Variants in CSMD3 observed in about 807,000 individuals in gnomAD.
CSMD3 encodes CUB and Sushi multiple domains 3, also known as CUB and sushi domain-containing protein 3.
A neutral mutation model predicts 435.2 loss-of-function variants in CSMD3; 177 were observed. The observed-to-expected ratio is 0.41, with a 90% confidence interval of 0.36 to 0.46. The LOEUF is 0.46. Ranked by LOEUF, CSMD3 falls within the 20% of genes least tolerant of loss-of-function variation. CSMD3 has a pLI of 0.34. For missense variants in CSMD3, 4,265 were observed against 4,504.6 expected (o/e 0.95, Z 1.52); for synonymous variants, 1,656 against 1,520.5 (o/e 1.09, Z -2.07).
At chr8:112,940,981 T>C (rs1337968962) in intron 9 of CSMD3, among the ~76,000 whole-genome samples, 1 of 151,734 alleles carries the variant, frequency 6.6e-6, no homozygotes, top group Non-Finnish European at 1.5e-5. Context: ...TGAATACTCA[T>C]ATCTGATTAC....
At chr8:113,012,810 C>T (rs1264519451) in intron 6 of CSMD3, among the ~76,000 whole-genome samples, 2 of 151,974 alleles carry the variant, frequency 1.3e-5, no homozygotes, top group Admixed American at 6.6e-5. Context: ...TAATACAGTT[C>T]ATCTAAATTG....
chr8:113,106,008 A>C (rs564169020), intron 4 of CSMD3, among the ~76,000 whole-genome samples: 5 of 152,248 alleles, frequency 3.3e-5, no homozygotes, highest in African/African-American at 1.2e-4. Context: ...TTTATAGCAG[A>C]TATAACTATA....
At chr8:113,181,544 C>A (rs559338286) in intron 3 of CSMD3, among the ~76,000 whole-genome samples, 2 of 152,060 alleles carry the variant, frequency 1.3e-5, no homozygotes, top group South Asian at 4.1e-4. Context: ...AATATCTGTG[C>A]CCTTTTATTG....
At chr8:112,607,491 A>G (rs1446597578) in intron 22 of CSMD3, among the ~76,000 whole-genome samples, 1 of 152,082 alleles carries the variant, frequency 6.6e-6, no homozygotes, top group Non-Finnish European at 1.5e-5. Context: ...TAAAAGGCCA[A>G]TATTAACCTG....
At position 112,244,464 on chromosome 8, in the gene CSMD3, TAAG is replaced by T; in HGVS notation, c.10329_10331del (p.Phe3443del). 2 of 1,613,920 alleles carry T rather than the reference TAAG, an allele frequency of 1.2e-6. No individual in the cohort carries two copies. The highest frequency in any genetic ancestry group is 1.7e-6 in the Non-Finnish European group (2 of 1,179,848). ...ACACTCTATGTTCTGTTCCACCTGC[TAAG>T]AAGAAGCCAGGCTGACAGGTATAAA... is the stretch of plus-strand genomic sequence containing the variant. On this transcript the variant is annotated inframe_deletion, in exon 65 of 71. Transcript: ENST00000297405.
intron 16 of CSMD3, among the ~76,000 whole-genome samples, chr8:112,669,012 T>C (rs2075593333): frequency 6.6e-6 from 1 of 151,364 alleles, no homozygotes. Flanking sequence ...AACCTAAAAA[T>C]ATTATTATTA....
chr8:113,300,229 T>C lies in CSMD3; in HGVS notation c.401+14342A>G, dbSNP rs145938914. ...GAAAAGGGAACACATATATTTTTCA[T>C]GAGAATGTAAATTAGTTCAACCTCT... On this transcript the variant is annotated intron_variant, in intron 2 of 70. Transcript: ENST00000297405. Among the ~76,000 whole-genome samples, 30 of 151,758 alleles carry C rather than the reference T, an allele frequency of 2.0e-4. No homozygotes were observed. In the East Asian group the frequency reaches 4.9e-3, roughly 25 times the overall value.
intron 13 of CSMD3, among the ~76,000 whole-genome samples, chr8:112,791,870 G>A (rs1402387128): frequency 6.6e-5 from 10 of 152,026 alleles, no homozygotes; most frequent in Non-Finnish European, 1.2e-4. Flanking sequence ...CAGTTATTCC[G>A]CTTCCTTGCC....
At chr8:112,917,168 AAATTCGAACACTTTAG>A (rs1453797456) in intron 10 of CSMD3, among the ~76,000 whole-genome samples, 1 of 151,956 alleles carries the variant, frequency 6.6e-6, no homozygotes, top group Non-Finnish European at 1.5e-5. Flanking sequence ...GATCCATTCA[AAATTCGAACACTTTAG>A]AGGCATTGAT....
intron 3 of CSMD3, among the ~76,000 whole-genome samples, chr8:113,177,882 T>C (rs2092370303): frequency 6.6e-6 from 1 of 152,000 alleles, no homozygotes; most frequent in Non-Finnish European, 1.5e-5. Context: ...GTGTAGAAGA[T>C]TTTTGATATT....
chr8:112,841,849 T>C (rs1024516285), intron 11 of CSMD3, among the ~76,000 whole-genome samples: 2 of 151,820 alleles, frequency 1.3e-5, no homozygotes, highest in Non-Finnish European at 2.9e-5. Context: ...CCTAATATCA[T>C]TGATGTGGGT....
At chr8:112,326,888 G>A (rs995626008) in intron 45 of CSMD3, among the ~76,000 whole-genome samples, 5 of 152,108 alleles carry the variant, frequency 3.3e-5, no homozygotes, top group East Asian at 3.9e-4. Context: ...CAGGTGTGGC[G>A]GTGCATGCCT....
At chr8:112,639,024 T>C (rs1482178792) in intron 20 of CSMD3, 113 bp from the exon 21 acceptor site, 9 of 702,360 alleles carry the variant, frequency 1.3e-5, no homozygotes, top group Non-Finnish European at 2.2e-5. Context: ...TTTCTGAAAA[T>C]GAGAGGCATT....
rs190360713 is a variant in CSMD3, at chr8:113,074,153, A to C, written c.917+24603T>G. Among the ~76,000 whole-genome samples the C allele has an allele frequency of 4.3e-5, 5 of 117,208 alleles. No individual in the cohort carries two copies. The East Asian group carries it at 1.6e-3, about 39-fold the overall frequency. 76.9% of individuals were successfully genotyped at this position (117,208 alleles called of 152,430 possible). On this transcript the variant is annotated intron_variant, in intron 5 of 70. Transcript: ENST00000297405. ...TGTGCAGTCTCCAAAATAAGACTTA[A>C]AGCACACACAGAGACACACACACAC...
intron 3 of CSMD3, among the ~76,000 whole-genome samples, chr8:113,192,564 T>C (rs2092600897): frequency 6.6e-6 from 1 of 151,630 alleles, no homozygotes; most frequent in African/African-American, 2.4e-5. Flanking sequence ...CTGCTACCAC[T>C]TTTTCTCTTA....
chr8:113,299,380 T>A (rs1286516867), intron 2 of CSMD3, among the ~76,000 whole-genome samples: 1 of 152,200 alleles, frequency 6.6e-6, no homozygotes, highest in Non-Finnish European at 1.5e-5. Flanking sequence ...AATAAAAGCA[T>A]AAAATATGTT....
chr8:113,094,616 T>C (rs913299301), intron 5 of CSMD3, among the ~76,000 whole-genome samples: 1 of 152,210 alleles, frequency 6.6e-6, no homozygotes. Context: ...TGTATTTGTA[T>C]CAATTAATTT....
At chr8:112,652,047 A>ATTGAAT (rs1230556300) in intron 18 of CSMD3, among the ~76,000 whole-genome samples, 1 of 152,184 alleles carries the variant, frequency 6.6e-6, no homozygotes, top group Non-Finnish European at 1.5e-5. Context: ...ATTCTATATA[A>ATTGAAT]AATGTTGGAC....
chr8:112,340,814 C>A (rs901401131), intron 42 of CSMD3, among the ~76,000 whole-genome samples: 4 of 152,030 alleles, frequency 2.6e-5, no homozygotes, highest in African/African-American at 9.7e-5. Context: ...TACAACTTAT[C>A]TGAAAGTATA....
Sources: allele counts gnomAD v4.1 joint callset (sites outside exome capture counted in the v4.1 genomes callset), GRCh38; gene constraint gnomAD v4.1.1; transcripts MANE v1.5; gene names NCBI Gene and HGNC (gene_info 2026-07-23, HGNC 2026-07-21).